NKAIN2: variants seen among roughly 807,000 people sequenced by gnomAD.
The protein encoded by NKAIN2 is sodium/potassium-transporting ATPase subunit beta-1-interacting protein 2.
NKAIN2 carries 14 observed loss-of-function variants against 32.6 expected under a neutral mutation model. That is an observed-to-expected ratio of 0.43 (90% CI 0.28 to 0.67). The LOEUF (loss-of-function observed/expected upper bound fraction) is 0.67, where lower values mean the gene tolerates loss of function less well. Ranked by LOEUF, NKAIN2 falls within the 30% of genes least tolerant of loss-of-function variation. The probability of loss-of-function intolerance (pLI) is 0.17; values close to 1 mark genes in which losing one functional copy is unlikely to be tolerated. For missense variants in NKAIN2, 198 were observed against 258.3 expected (o/e 0.77, Z 1.60); for synonymous variants, 80 against 87.2 (o/e 0.92, Z 0.46).
chr6:124,424,244 G>A (rs527597211), intron 3 of NKAIN2, among the ~76,000 whole-genome samples: 2 of 151,960 alleles, frequency 1.3e-5, no homozygotes, highest in African/African-American at 4.8e-5. Flanking sequence ...CCGTCTGCTC[G>A]GCCTCCCAAA....
At chr6:124,344,062 T>C (rs1798278933) in intron 2 of NKAIN2, among the ~76,000 whole-genome samples, 1 of 152,154 alleles carries the variant, frequency 6.6e-6, no homozygotes, top group Non-Finnish European at 1.5e-5. Context: ...CTAGCCAGTT[T>C]TCCCAGCACC....
At chr6:123,849,942 C>T (rs1057168728) in intron 1 of NKAIN2, among the ~76,000 whole-genome samples, 1 of 138,558 alleles carries the variant, frequency 7.2e-6, no homozygotes, top group African/African-American at 2.8e-5. Flanking sequence ...CTCTGTAACT[C>T]AGGCTGGTTT....
intron 4 of NKAIN2, among the ~76,000 whole-genome samples, chr6:124,699,562 G>A (rs1034942379): frequency 6.6e-6 from 1 of 152,142 alleles, no homozygotes; most frequent in African/African-American, 2.4e-5. Context: ...CCTTGGTGCT[G>A]TTCTTGTAAT....
chr6:124,805,180 A>AACGGGCAGAC (rs1562393268), intron 5 of NKAIN2, among the ~76,000 whole-genome samples: 2 of 151,868 alleles, frequency 1.3e-5, no homozygotes, highest in African/African-American at 4.8e-5. Flanking sequence ...AATGGGCAGA[A>AACGGGCAGAC]TGCCTCCTCA....
In NKAIN2 at chr6:124,761,249, G is replaced by A. The variant is rs529092028; in HGVS notation, c.475-30090G>A. Among the ~76,000 whole-genome samples the A allele has an allele frequency of 1.3e-4, 20 of 152,226 alleles. No homozygotes were observed. In the South Asian group the frequency reaches 1.7e-3, roughly 13 times the overall value. ...CTAACACTTTATTGCTTTTCCTATT[G>A]CAGCTTCAGAACAGATAGTTACCAC... On this transcript the variant is annotated intron_variant, in intron 4 of 6. Transcript: ENST00000368417.
intron 4 of NKAIN2, among the ~76,000 whole-genome samples, chr6:124,714,558 A>G (rs1440250742): frequency 2.0e-5 from 3 of 152,320 alleles, no homozygotes; most frequent in East Asian, 1.9e-4. Context: ...TGTGTGTGGC[A>G]GAGTCCTACT....
intron 3 of NKAIN2, among the ~76,000 whole-genome samples, chr6:124,454,396 T>C (rs2114630574): frequency 6.6e-6 from 1 of 152,166 alleles, no homozygotes; most frequent in Middle Eastern, 3.4e-3. Context: ...ATGCAGAAAG[T>C]ATTATTGCAA....
chr6:123,811,799 ATCATTTTTT>A (rs1203692120), intron 1 of NKAIN2, among the ~76,000 whole-genome samples: 1 of 152,122 alleles, frequency 6.6e-6, no homozygotes, highest in Non-Finnish European at 1.5e-5. Flanking sequence ...TTTTCATAGA[ATCATTTTTT>A]TCTTCACCCA....
intron 1 of NKAIN2, among the ~76,000 whole-genome samples, chr6:123,930,746 A>G (rs1776217371): frequency 6.6e-6 from 1 of 152,136 alleles, no homozygotes. Context: ...TTGAAAGACT[A>G]CTTTGCAGAC....
At chr6:124,616,412 TTTC>T (rs1782890208) in intron 3 of NKAIN2, among the ~76,000 whole-genome samples, 1 of 147,642 alleles carries the variant, frequency 6.8e-6, no homozygotes, top group Non-Finnish European at 1.5e-5. Flanking sequence ...TTATTATTTT[TTTC>T]TTTTTTCTTT....
chr6:124,767,212 G>C (rs938873039), intron 4 of NKAIN2, among the ~76,000 whole-genome samples: 1 of 151,604 alleles, frequency 6.6e-6, no homozygotes, highest in African/African-American at 2.4e-5. Flanking sequence ...CTCTTTCTTA[G>C]CTTTTCTGTT....
chr6:124,412,151 T>C (rs1156613721), intron 3 of NKAIN2, among the ~76,000 whole-genome samples: 1 of 152,132 alleles, frequency 6.6e-6, no homozygotes, highest in Non-Finnish European at 1.5e-5. Context: ...TCGGAGTAGT[T>C]CGATCTTCTG....
chr6:124,679,565 G>T (rs1014337571), intron 4 of NKAIN2, among the ~76,000 whole-genome samples: 1 of 152,080 alleles, frequency 6.6e-6, no homozygotes, highest in African/African-American at 2.4e-5. Context: ...ATCACCTGGG[G>T]TTTAGCAGTC....
At chr6:124,335,463 A>G (rs1797826094) in intron 2 of NKAIN2, among the ~76,000 whole-genome samples, 1 of 152,174 alleles carries the variant, frequency 6.6e-6, no homozygotes, top group African/African-American at 2.4e-5. Context: ...AGCTGTTTAC[A>G]TGATTCTTAG....
At chr6:124,104,917 G>A (rs1785047256) in intron 1 of NKAIN2, among the ~76,000 whole-genome samples, 1 of 152,140 alleles carries the variant, frequency 6.6e-6, no homozygotes, top group African/African-American at 2.4e-5. Context: ...AAACCCATCT[G>A]GATGGGCTGA....
intron 4 of NKAIN2, among the ~76,000 whole-genome samples, chr6:124,767,107 G>T (rs1778548718): frequency 6.6e-6 from 1 of 151,948 alleles, no homozygotes; most frequent in Non-Finnish European, 1.5e-5. Context: ...TGTCGGCCAG[G>T]CTGGTTTCAA....
At position 123,846,705 on chromosome 6, in the gene NKAIN2, C is replaced by T. The variant is rs544168633; in HGVS notation, c.54+42451C>T. Among the ~76,000 whole-genome samples the T allele has an allele frequency of 3.0e-4, 46 of 152,180 alleles. No homozygotes were observed. In the South Asian group the frequency reaches 9.1e-3, roughly 30 times the overall value. ...ATAGCAAGCAGTATATGCACGTGGT[C>T]TTCTTGTCATTTCAATATTCTTCAA... is the stretch of plus-strand genomic sequence containing the variant. On this transcript the variant is annotated intron_variant, in intron 1 of 6. Coordinates refer to ENST00000368417, the MANE Select transcript of NKAIN2 (RefSeq NM_001040214.3).
At chr6:124,125,269 A>G (rs1207075297) in intron 1 of NKAIN2, among the ~76,000 whole-genome samples, 6 of 152,304 alleles carry the variant, frequency 3.9e-5, no homozygotes, top group Admixed American at 2.6e-4. Context: ...GCATGTATAA[A>G]CATACATGCA....
chr6:124,252,085 ATAACGG>A (rs1793714148), intron 1 of NKAIN2, among the ~76,000 whole-genome samples: 1 of 152,192 alleles, frequency 6.6e-6, no homozygotes, highest in East Asian at 1.9e-4. Flanking sequence ...GAATATACAT[ATAACGG>A]TAACATTTGC....
Sources: gnomAD v4.1 joint callset for allele counts (sites outside exome capture counted in the v4.1 genomes callset) on GRCh38, gnomAD v4.1.1 for gene constraint, MANE v1.5 for transcripts, NCBI Gene and HGNC (gene_info 2026-07-23, HGNC 2026-07-21) for gene names.